BCAS3: variants seen among roughly 807,000 people sequenced by gnomAD.
The protein encoded by BCAS3 is BCAS3 microtubule associated cell migration factor, also known as BCAS4/BCAS3 fusion.
BCAS3 carries 53 observed loss-of-function variants against 116.1 expected under a neutral mutation model. The ratio of observed to expected loss-of-function variants is 0.46; its 90% CI spans 0.37 to 0.57. The LOEUF is 0.57. Ranked by LOEUF, BCAS3 falls within the 20% of genes least tolerant of loss-of-function variation. The pLI, the probability that BCAS3 is intolerant of heterozygous loss-of-function variation, is 0.00. For missense variants in BCAS3, 917 were observed against 1,165.4 expected (o/e 0.79, Z 3.10); for synonymous variants, 391 against 408.2 (o/e 0.96, Z 0.51).
In BCAS3 at chr17:61,261,062, A is replaced by C. The variant is rs1157995; in HGVS notation, c.2426-107265A>C. On this transcript the variant is annotated intron_variant, in intron 22 of 23. Transcript: ENST00000407086. The surrounding 1 kb of genome is among the most constrained non-coding windows in gnomAD (Gnocchi z 4.4). ...AGGGTGAATGCTCTCCCAAACTATC[A>C]TCAAACGCATTTATCTAATTTGACA... Among the ~76,000 whole-genome samples the C allele has an allele frequency of 6.6e-6, 1 of 152,024 alleles. No individual in the cohort carries two copies. The highest frequency in any genetic ancestry group is 1.5e-5 in the Non-Finnish European group (1 of 67,994).
At position 61,360,465 on chromosome 17, in the gene BCAS3, C is replaced by T. The variant is rs528917500; in HGVS notation, c.2426-7862C>T. On this transcript the variant is annotated intron_variant, in intron 22 of 23. Transcript: ENST00000407086. ...GGTGACTTAAAACAACAGATGTATTCTCTTGTATTTCTGGAGGCTAGCATT... is the reference window on the plus strand; with the variant it reads ...GGTGACTTAAAACAACAGATGTATTTTCTTGTATTTCTGGAGGCTAGCATT... Among the ~76,000 whole-genome samples the T allele has an allele frequency of 1.1e-4, 17 of 152,320 alleles. 1 individual carries two copies. The South Asian group carries it at 3.5e-3, about 32-fold the overall frequency.
chr17:61,092,237 A>G (rs1400017422), intron 22 of BCAS3, among the ~76,000 whole-genome samples: 1 of 152,196 alleles, frequency 6.6e-6, no homozygotes, highest in African/African-American at 2.4e-5. Context: ...CAAATATACC[A>G]CACTTTATAT....
At chr17:61,283,753 G>A (rs35348814) in intron 22 of BCAS3, among the ~76,000 whole-genome samples, 7,050 of 152,012 alleles carry the variant, frequency 0.046, 199 homozygotes, top group African/African-American at 0.058. Context: ...GCACTTGGCC[G>A]TAAATTGATT....
At position 61,171,299 on chromosome 17, in the gene BCAS3, A is replaced by G. The variant is rs1003725292; in HGVS notation, c.2425+86735A>G. 2.6e-5 allele frequency among the ~76,000 whole-genome samples: 4 copies of G among 152,190 alleles called. No homozygotes were observed. The highest frequency in any genetic ancestry group is 2.0e-4 in the Admixed American group (3 of 15,272). ...TAACATAGGTGTAGCTAATCAGTTA[A>G]CAAATGAGATAAAAATGGCATCCTA... On this transcript the variant is annotated intron_variant, in intron 22 of 23. Transcript: ENST00000407086. The surrounding 1 kb of genome is among the most constrained non-coding windows in gnomAD (Gnocchi z 4.1).
rs1213548178 is a variant in BCAS3 at position 61,251,630 on chromosome 17, G to A, written c.2426-116697G>A. ...GGTCCATCCAAGATGCTGCCCTTGAGACCTCTGGGTTGATGACTGATATGT... is the reference window on the plus strand; with the variant it reads ...GGTCCATCCAAGATGCTGCCCTTGAAACCTCTGGGTTGATGACTGATATGT... On this transcript the variant is annotated intron_variant, in intron 22 of 23. Transcript: ENST00000407086. The surrounding 1 kb of genome is among the most constrained non-coding windows in gnomAD (Gnocchi z 4.7). 6.6e-6 allele frequency among the ~76,000 whole-genome samples: 1 copy of A among 151,910 alleles called. No homozygotes were observed. Among genetic ancestry groups the A allele is most frequent in the Non-Finnish European group, 1.5e-5 (1 of 67,994 alleles).
chr17:60,947,981 A>G (rs900672827), intron 14 of BCAS3, among the ~76,000 whole-genome samples: 5 of 152,200 alleles, frequency 3.3e-5, no homozygotes, highest in African/African-American at 1.2e-4. Context: ...CCAGCAGATA[A>G]TCACGTACAC....
chr17:61,267,055 GTTGT>G lies in BCAS3; in HGVS notation c.2426-101257_2426-101254del, dbSNP rs894199563. ...GATAGGAAAGTTAATTTTTTGTGTT[GTTGT>G]TTGTTTGTTTGTTTTTGAGACGGAG... is the stretch of plus-strand genomic sequence containing the variant. On this transcript the variant is annotated intron_variant, in intron 22 of 23. Transcript: ENST00000407086. Among the ~76,000 whole-genome samples, 7 of 152,230 alleles carry G rather than the reference GTTGT, an allele frequency of 4.6e-5. 1 individual carries two copies. The South Asian group carries it at 8.3e-4, about 18-fold the overall frequency.
At chr17:60,774,087 C>T (rs1260026460) in intron 6 of BCAS3, among the ~76,000 whole-genome samples, 2 of 152,152 alleles carry the variant, frequency 1.3e-5, no homozygotes, top group Admixed American at 6.6e-5. Context: ...TTCTTTCCTT[C>T]CTCTGCATGG....
chr17:60,694,084 C>G (rs1401257091), intron 4 of BCAS3, among the ~76,000 whole-genome samples: 1 of 147,548 alleles, frequency 6.8e-6, no homozygotes, highest in Non-Finnish European at 1.5e-5. Flanking sequence ...GACGGGGTTT[C>G]ACCATGTTAG....
intron 7 of BCAS3, among the ~76,000 whole-genome samples, chr17:60,839,707 T>C (rs1415492431): frequency 6.6e-6 from 1 of 152,170 alleles, no homozygotes; most frequent in Non-Finnish European, 1.5e-5. Context: ...ATCAAAAATT[T>C]TCCTCTTAAA....
rs529968349 is a variant in BCAS3, at chr17:61,164,214, T to C, written c.2425+79650T>C. Among the ~76,000 whole-genome samples, 5 of 152,168 alleles carry C rather than the reference T, an allele frequency of 3.3e-5. No homozygotes were observed. In the South Asian group the frequency reaches 1.0e-3, roughly 32 times the overall value. On this transcript the variant is annotated intron_variant, in intron 22 of 23. Coordinates refer to ENST00000407086, the MANE Select transcript of BCAS3 (RefSeq NM_017679.5). ...GTAATTCCGAATCAATGGCAAGATG[T>C]TGAATTATCTTCTAAATTTTTAAAG...
intron 22 of BCAS3, among the ~76,000 whole-genome samples, chr17:61,115,427 A>G (rs2075368052): frequency 6.8e-6 from 1 of 147,962 alleles, no homozygotes; most frequent in African/African-American, 2.5e-5. Context: ...AAAAGTGGGC[A>G]AAGGACATGA....
rs555399706 is a variant in BCAS3 at position 61,145,732 on chromosome 17, T to G, written c.2425+61168T>G. The stretch of plus-strand genomic sequence containing the variant: ...TAAAGAGAAATTGAAAATCTAAGTC[T>G]TGCAGTGAGAATGACCAGAAATCGT... On this transcript the variant is annotated intron_variant, in intron 22 of 23. Transcript: ENST00000407086. The surrounding 1 kb of genome is among the most constrained non-coding windows in gnomAD (Gnocchi z 5.0). Among the ~76,000 whole-genome samples, 33 of 152,342 alleles carry G rather than the reference T, an allele frequency of 2.2e-4. No individual in the cohort carries two copies. Among genetic ancestry groups the G allele is most frequent in the African/African-American group, 7.7e-4 (32 of 41,576 alleles).
intron 22 of BCAS3, among the ~76,000 whole-genome samples, chr17:61,273,271 G>T (rs1426298596): frequency 6.6e-6 from 1 of 151,628 alleles, no homozygotes; most frequent in Non-Finnish European, 1.5e-5. Flanking sequence ...ACCACCCCTG[G>T]CTAATTTTTT....
In BCAS3 at chr17:60,954,096, G is replaced by A. The variant is rs190642440; in HGVS notation, c.1221+6744G>A. 5.1e-4 allele frequency among the ~76,000 whole-genome samples: 77 copies of A among 152,188 alleles called. No homozygotes were observed. In the East Asian group the frequency reaches 6.9e-3, roughly 14 times the overall value. On this transcript the variant is annotated intron_variant, in intron 14 of 23. Transcript: ENST00000407086. ...TCTGCACATGGCTAGCCAGTTACCC[G>A]AGAACCATTTATTGAATAGGGAGTC...
intron 22 of BCAS3, among the ~76,000 whole-genome samples, chr17:61,192,246 C>CAAAAACAAAAAAAAAA (rs2080181522): frequency 1.4e-5 from 1 of 70,678 alleles, no homozygotes; most frequent in Non-Finnish European, 2.8e-5. Flanking sequence ...GCTCTGTTAC[C>CAAAAACAAAAAAAAAA]AAAAAAAAAA....
chr17:61,094,954 GA>G (rs1231276462), intron 22 of BCAS3, among the ~76,000 whole-genome samples: 1 of 152,184 alleles, frequency 6.6e-6, no homozygotes, highest in Non-Finnish European at 1.5e-5. Flanking sequence ...TTTTCCGAAT[GA>G]CCAGTTTCAT....
intron 14 of BCAS3, among the ~76,000 whole-genome samples, chr17:60,958,721 C>T (rs1259255843): frequency 6.6e-6 from 1 of 152,176 alleles, no homozygotes; most frequent in Non-Finnish European, 1.5e-5. Flanking sequence ...TGAAAATGCA[C>T]AACACTTATG....
chr17:61,263,935 T>A (rs2049445212), intron 22 of BCAS3, among the ~76,000 whole-genome samples: 1 of 152,118 alleles, frequency 6.6e-6, no homozygotes, highest in South Asian at 2.1e-4. Flanking sequence ...AAATAAAAAA[T>A]TCTGACCATG....
Sources: allele counts gnomAD v4.1 joint callset (sites outside exome capture counted in the v4.1 genomes callset), GRCh38; gene constraint gnomAD v4.1.1; non-coding constraint Gnocchi (gnomAD v3.1); transcripts MANE v1.5; gene names NCBI Gene and HGNC (gene_info 2026-07-23, HGNC 2026-07-21).